HGF: variants seen among roughly 807,000 people sequenced by gnomAD.
HGF encodes fibroblast-derived tumor cytotoxic factor.
A neutral mutation model predicts 111.6 loss-of-function variants in HGF; 39 were observed. That is an observed-to-expected ratio of 0.35 (90% CI 0.27 to 0.46). HGF has a LOEUF of 0.46. HGF is among the 20% of genes least tolerant of loss of function. HGF has a pLI of 1.00. For missense variants in HGF, 735 were observed against 910.5 expected, an observed-to-expected ratio of 0.81 and a Z score of 2.48; for synonymous variants, 285 against 294.8, an observed-to-expected ratio of 0.97 and a Z score of 0.34.
chr7:81,711,703 G>A (rs1278157188), intron 11 of HGF, among the ~76,000 whole-genome samples, 184 bp from the exon 12 acceptor site: 1 of 152,110 alleles, frequency 6.6e-6, no homozygotes, highest in Middle Eastern at 3.2e-3. Flanking sequence ...GAGTCCAGTG[G>A]TGCTATCTCA....
intron 3 of HGF, among the ~76,000 whole-genome samples, chr7:81,757,964 C>G (rs1374973368): frequency 6.6e-6 from 1 of 151,788 alleles, no homozygotes; most frequent in African/African-American, 2.4e-5. Flanking sequence ...GATTAACTTA[C>G]TTCTACCATA....
At chr7:81,721,038 G>A (rs1324109209) in intron 9 of HGF, among the ~76,000 whole-genome samples, 191 bp from the exon 10 acceptor site, 1 of 152,352 alleles carries the variant, frequency 6.6e-6, no homozygotes, top group Non-Finnish European at 1.5e-5. Context: ...GAGGTCAGGA[G>A]ATCGAGACCA....
At position 81,726,009 on chromosome 7, in the gene HGF, C is replaced by A; in HGVS notation, c.1049G>T (p.Arg350Leu). 1 of 1,613,958 alleles carries A rather than the reference C, an allele frequency of 6.2e-7. No homozygotes were observed. The highest frequency in any genetic ancestry group is 8.5e-7 in the Non-Finnish European group (1 of 1,179,890). The stretch of plus-strand genomic sequence containing the variant: ...ATCTGGATTTCGGCAGTAATTTTCT[C>A]GTAGGTCCCTATTGAGAATAAGCAT... Reference protein sequence around the residue: ...TPENFKCKDLRENYCRNPDGS... With the variant: ...TPENFKCKDLLENYCRNPDGS... Residue 350 changes from arginine (R) to leucine (L), a missense_variant, in exon 9 of 18, where the codon CGA becomes CTA. Physicochemically the swap from Arg to Leu is moderately radical, Grantham distance 102 (BLOSUM62 -2). Around this residue, in one of 3 missense-constraint regions of HGF, gnomAD observed 553 missense variants for 685.6 expected, o/e 0.81. Coordinates refer to ENST00000222390, the MANE Select transcript of HGF (RefSeq NM_000601.6).
At chr7:81,722,813 CAAAA>C (rs552915726) in intron 9 of HGF, among the ~76,000 whole-genome samples, 13 of 91,236 alleles carry the variant, frequency 1.4e-4, no homozygotes, top group African/African-American at 5.8e-4. Context: ...GATTCTGTCT[CAAAA>C]AAAAAAAAAA....
In HGF at chr7:81,720,862, T is replaced by C. The variant is rs1187592288; in HGVS notation, c.1169-15A>G. On this transcript the variant is annotated splice_polypyrimidine_tract_variant and intron_variant, in intron 9 of 17. Transcript: ENST00000222390. ...ACGATAACAATCTAGACATAAAATA[T>C]ACAGAAATAAGTCCAATGAATATCA... The C allele has an allele frequency of 3.7e-6, 5 of 1,349,134 alleles. No homozygotes were observed. Among genetic ancestry groups the C allele is most frequent in the Non-Finnish European group, 5.3e-6 (5 of 938,422 alleles). The allele number at this position is 1,349,134 out of a possible 1,614,324, so 83.6% of individuals were successfully genotyped here.
intron 11 of HGF, 149 bp downstream of exon 11, chr7:81,717,083 G>A (rs766137308): frequency 1.5e-5 from 11 of 722,724 alleles, no homozygotes; most frequent in Non-Finnish European, 2.5e-5. Context: ...GTGTCTGTGT[G>A]TGTGTTGTGT....
At chr7:81,757,913 G>A (rs934969124) in intron 3 of HGF, among the ~76,000 whole-genome samples, 1 of 151,850 alleles carries the variant, frequency 6.6e-6, no homozygotes, top group Non-Finnish European at 1.5e-5. Flanking sequence ...ACTAGATCAT[G>A]AATTATGTTC....
rs1584002170 is a variant in HGF at position 81,757,184 on chromosome 7, C to A, written c.482+5G>T. 7.1e-7 allele frequency: 1 copy of A among 1,402,686 alleles called. No individual in the cohort carries two copies. Among genetic ancestry groups the A allele is most frequent in the East Asian group, 2.3e-5 (1 of 43,824 alleles). 86.9% of individuals were successfully genotyped at this position (1,402,686 alleles called of 1,614,324 possible). ...CTTCATCTCTTTTCTTCATACTGTT[C>A]TTACCTGTGTTCGTGTGGTATCATG... On this transcript the variant is annotated splice_donor_5th_base_variant and intron_variant, in intron 4 of 17. Transcript: ENST00000222390.
At chr7:81,762,343 C>G (rs1455699233) in intron 2 of HGF, among the ~76,000 whole-genome samples, 1 of 152,100 alleles carries the variant, frequency 6.6e-6, no homozygotes, top group East Asian at 1.9e-4. Context: ...AAATTCTGTT[C>G]TAAAAATTCC....
chr7:81,739,517 T>C (rs1348834136), intron 7 of HGF, among the ~76,000 whole-genome samples: 1 of 151,582 alleles, frequency 6.6e-6, no homozygotes, highest in African/African-American at 2.4e-5. Flanking sequence ...CATGAATATA[T>C]GTTTAATGTA....
intron 17 of HGF, among the ~76,000 whole-genome samples, chr7:81,703,592 G>A (rs1166184720): frequency 6.7e-6 from 1 of 149,540 alleles, no homozygotes; most frequent in Non-Finnish European, 1.5e-5. Flanking sequence ...TATATAATAA[G>A]TAAATATAAA....
intron 4 of HGF, among the ~76,000 whole-genome samples, chr7:81,752,717 T>G (rs1178503957): frequency 3.9e-5 from 6 of 152,082 alleles, no homozygotes; most frequent in Non-Finnish European, 8.8e-5. Flanking sequence ...GCCCCCTTTT[T>G]TCTGCACAAT....
At chr7:81,740,329 C>T (rs1022691476) in intron 7 of HGF, among the ~76,000 whole-genome samples, 30 of 152,016 alleles carry the variant, frequency 2.0e-4, no homozygotes, top group African/African-American at 6.5e-4. Flanking sequence ...GTTAATGATA[C>T]GAATAAAAAA....
rs189543648 is a variant in HGF at position 81,765,873 on chromosome 7, T to G, written c.89-3001A>C. 1.3e-3 allele frequency among the ~76,000 whole-genome samples: 205 copies of G among 152,308 alleles called. 1 individual carries two copies. Among genetic ancestry groups the G allele is most frequent in the African/African-American group, 4.7e-3 (194 of 41,566 alleles). ...ACTCAAAAATATCTTTGGATCAGAT[T>G]TTTCCCTACTATTTTTTGTGCGTGA... On this transcript the variant is annotated intron_variant, in intron 1 of 17. Coordinates refer to ENST00000222390, the MANE Select transcript of HGF (RefSeq NM_000601.6).
intron 13 of HGF, among the ~76,000 whole-genome samples, chr7:81,707,654 G>A (rs767089423): frequency 5.3e-5 from 8 of 152,024 alleles, no homozygotes; most frequent in Non-Finnish European, 8.8e-5. Context: ...ACACATATTC[G>A]TGTGTATGTG....
intron 11 of HGF, among the ~76,000 whole-genome samples, chr7:81,713,238 T>C (rs1789618305): frequency 6.6e-6 from 1 of 152,036 alleles, no homozygotes; most frequent in Non-Finnish European, 1.5e-5. Context: ...AATTTGTAGA[T>C]ATGGCCTTGC....
chr7:81,767,871 A>C (rs1440530587), intron 1 of HGF, among the ~76,000 whole-genome samples: 1 of 152,260 alleles, frequency 6.6e-6, no homozygotes, highest in Non-Finnish European at 1.5e-5. Context: ...CATTTAAAAA[A>C]GAACAAACTT....
intron 5 of HGF, 164 bp downstream of exon 5, chr7:81,751,956 T>C: frequency 7.0e-7 from 1 of 1,430,804 alleles, no homozygotes. Flanking sequence ...AATCCAACAG[T>C]TTTAAAAACA....
rs756721569 is a variant in HGF at position 81,710,260 on chromosome 7, C to T, written c.1445-17G>A. ...TTACGGGATCTGAAACAGGACCAAACATAACATTTTTTAAAATAAGAATTT... is the reference window on the plus strand; with the variant it reads ...TTACGGGATCTGAAACAGGACCAAATATAACATTTTTTAAAATAAGAATTT... On this transcript the variant is annotated splice_polypyrimidine_tract_variant and intron_variant, in intron 12 of 17. Coordinates refer to ENST00000222390, the MANE Select transcript of HGF (RefSeq NM_000601.6). The T allele has an allele frequency of 6.4e-6, 10 of 1,555,942 alleles. No homozygotes were observed. The Admixed American group carries it at 1.5e-4, about 23-fold the overall frequency.
Sources: gnomAD v4.1 joint callset for allele counts (sites outside exome capture counted in the v4.1 genomes callset) on GRCh38, gnomAD v4.1.1 for gene constraint, gnomAD v4.1.1 regional missense constraint, MANE v1.5 for transcripts, NCBI Gene and HGNC (gene_info 2026-07-23, HGNC 2026-07-21) for gene names.